TG: variants seen among roughly 807,000 people sequenced by gnomAD.
The protein encoded by TG is thyroglobulin, also known as thyroid hormones.
Under a neutral mutation model 324.7 loss-of-function variants are expected in TG, and 270 were observed. The observed-to-expected ratio is 0.83, with a 90% CI of 0.75 to 0.92. TG has a LOEUF of 0.92. Ranked by LOEUF, TG falls within the 40% of genes least tolerant of loss-of-function variation. The probability of loss-of-function intolerance (pLI) is 0.00; values close to 1 mark genes in which losing one functional copy is unlikely to be tolerated. For synonymous variants in TG, 1,401 were observed against 1,327.0 expected (o/e 1.06, Z -1.21); for missense variants, 3,591 against 3,456.4 (o/e 1.04, Z -0.98).
intron 31 of TG, 107 bp from the exon 32 acceptor site, chr8:132,969,351 T>C (rs1484974048): frequency 5.0e-6 from 4 of 807,838 alleles, no homozygotes; most frequent in Non-Finnish European, 8.6e-6. Context: ...ATTTAATATG[T>C]CATCTTTAAT....
chr8:132,994,710 C>T, intron 35 of TG: 1 of 1,288,516 alleles, frequency 7.8e-7, no homozygotes, highest in Non-Finnish European at 1.0e-6. Flanking sequence ...TACCTCTTCT[C>T]CCCAGTGTTT....
chr8:133,104,508 C>G (rs4236900), intron 43 of TG, among the ~76,000 whole-genome samples: 1 of 152,040 alleles, frequency 6.6e-6, no homozygotes, highest in Non-Finnish European at 1.5e-5. Flanking sequence ...GGATATATCT[C>G]GCGTTGGCAG....
chr8:133,097,749 A>G (rs1848641065), intron 43 of TG, among the ~76,000 whole-genome samples: 2 of 152,238 alleles, frequency 1.3e-5, no homozygotes, highest in Non-Finnish European at 2.9e-5. Context: ...AATATTATGC[A>G]TTATTACTAT....
At chr8:132,965,610 C>G (rs1205453634) in intron 29 of TG, among the ~76,000 whole-genome samples, 2 of 152,236 alleles carry the variant, frequency 1.3e-5, no homozygotes, top group Admixed American at 1.3e-4. Flanking sequence ...GCTATCCCCA[C>G]TGGGCCTGGG....
chr8:133,073,685 A>G (rs1844425227), intron 41 of TG, among the ~76,000 whole-genome samples: 1 of 152,110 alleles, frequency 6.6e-6, no homozygotes, highest in African/African-American at 2.4e-5. Context: ...CACAATGACA[A>G]TTTAAAGACT....
In TG at chr8:133,067,592, G is replaced by A. The variant is rs532180507; in HGVS notation, c.7240-27452G>A. On this transcript the variant is annotated intron_variant, in intron 41 of 47. Transcript: ENST00000220616. ...GGAGTTCAAGACCAACCTGGCCAAC[G>A]TTGTGAAACCCTATCTCTACTAAAA... Among the ~76,000 whole-genome samples the A allele has an allele frequency of 7.9e-5, 12 of 152,088 alleles. No individual in the cohort carries two copies. The South Asian group carries it at 1.2e-3, about 16-fold the overall frequency.
chr8:133,038,787 T>G (rs771000463), intron 41 of TG: 1 of 1,318,056 alleles, frequency 7.6e-7, no homozygotes, highest in Non-Finnish European at 1.1e-6. Context: ...AAGAGAGTCA[T>G]AGAGAGAGGA....
intron 41 of TG, among the ~76,000 whole-genome samples, chr8:133,061,762 T>C (rs954435076): frequency 9.9e-5 from 15 of 152,190 alleles, no homozygotes; most frequent in Non-Finnish European, 1.8e-4. Context: ...ACTCCCACCC[T>C]GGCCTTGAGT....
At chr8:133,027,034 A>G (rs1836157424) in intron 40 of TG, among the ~76,000 whole-genome samples, 1 of 152,168 alleles carries the variant, frequency 6.6e-6, no homozygotes, top group Non-Finnish European at 1.5e-5. Context: ...TAACTTGTCC[A>G]GGGCCCCTCA....
intron 45 of TG, among the ~76,000 whole-genome samples, chr8:133,127,245 T>C (rs1851590952): frequency 1.3e-5 from 2 of 152,184 alleles, no homozygotes; most frequent in Admixed American, 6.5e-5. Flanking sequence ...ACCTCCATCA[T>C]CCTGTTTGCT....
chr8:132,909,682 C>A (rs1819227268), intron 18 of TG, among the ~76,000 whole-genome samples: 1 of 152,184 alleles, frequency 6.6e-6, no homozygotes, highest in Non-Finnish European at 1.5e-5. Context: ...ACCAGTGTGA[C>A]CTGGGCCTTT....
chr8:133,086,190 C>T (rs778466566), intron 41 of TG, among the ~76,000 whole-genome samples: 17 of 152,086 alleles, frequency 1.1e-4, no homozygotes, highest in East Asian at 1.9e-4. Context: ...TGATGGCCTG[C>T]GGCTGGGAGT....
At position 133,002,381 on chromosome 8, in the gene TG, A is replaced by G. The variant is rs147942082; in HGVS notation, c.6263-9520A>G. On this transcript the variant is annotated intron_variant, in intron 35 of 47. Coordinates refer to ENST00000220616, the MANE Select transcript of TG (RefSeq NM_003235.5). Reference sequence around the variant, plus strand: ...AACCAGTACAAATATTTCATAAATAATATCTGGCCACTTTCTAAGCGATTA... The same window carrying G: ...AACCAGTACAAATATTTCATAAATAGTATCTGGCCACTTTCTAAGCGATTA... The G allele has an allele frequency of 2.0e-3, 1,937 of 985,476 alleles. 37 individuals carry two copies. The African/African-American group carries it at 0.031, about 16-fold the overall frequency. 61.0% of individuals were successfully genotyped at this position (985,476 alleles called of 1,614,324 possible). A position where few individuals can be genotyped will look rare whatever the true frequency, so the allele number is the denominator to read the frequency against.
intron 29 of TG, among the ~76,000 whole-genome samples, chr8:132,965,501 T>C (rs1828424436): frequency 6.6e-6 from 1 of 152,218 alleles, no homozygotes; most frequent in African/African-American, 2.4e-5. Context: ...GAGCCCTGAA[T>C]GAATGGACAT....
In TG at chr8:132,972,600, G is replaced by A. The variant is rs746336433; in HGVS notation, c.6058G>A (p.Gly2020Arg). ...GFLNVSQLKG[G>R]EVTCLTLNSL... ...TGTTTTTTTTTTTTCCACCCCAGGA[G>A]GAGAGGTGACATGTCTCACTCTGAA... is the stretch of plus-strand genomic sequence containing the variant. Residue 2020 changes from glycine (G) to arginine (R), a missense_variant and splice_region_variant, in exon 34 of 48, where the codon GGA (glycine) becomes AGA (arginine). Physicochemically the swap from Gly to Arg is moderately radical, Grantham distance 125. Coordinates refer to ENST00000220616, the MANE Select transcript of TG (RefSeq NM_003235.5). 1.9e-6 allele frequency: 3 copies of A among 1,607,150 alleles called. No individual in the cohort carries two copies. The highest frequency in any genetic ancestry group is 2.2e-5 in the South Asian group (2 of 90,898).
At chr8:133,021,034 A>G (rs1835513148) in intron 39 of TG, among the ~76,000 whole-genome samples, 1 of 152,162 alleles carries the variant, frequency 6.6e-6, no homozygotes, top group African/African-American at 2.4e-5. Context: ...TCAGATCCCC[A>G]GCTCAGACAC....
chr8:133,126,872 C>T (rs969994699), intron 45 of TG, among the ~76,000 whole-genome samples: 14 of 151,998 alleles, frequency 9.2e-5, no homozygotes, highest in African/African-American at 2.4e-4. Flanking sequence ...TCCCTAATTT[C>T]CTTTGGAGGA....
At chr8:132,889,948 T>G (rs1027656285) in intron 10 of TG, among the ~76,000 whole-genome samples, 1 of 151,974 alleles carries the variant, frequency 6.6e-6, no homozygotes, top group African/African-American at 2.4e-5. Flanking sequence ...AGCTAATTTT[T>G]TTTTTGTACT....
intron 34 of TG, among the ~76,000 whole-genome samples, chr8:132,980,462 C>G (rs534508332): frequency 6.6e-6 from 1 of 152,104 alleles, no homozygotes; most frequent in African/African-American, 2.4e-5. Context: ...GGCTCCCCCC[C>G]GGCCCTCTTG....
Sources: gnomAD v4.1 joint callset for allele counts (sites outside exome capture counted in the v4.1 genomes callset) on GRCh38, gnomAD v4.1.1 for gene constraint, MANE v1.5 for transcripts, NCBI Gene and HGNC (gene_info 2026-07-23, HGNC 2026-07-21) for gene names.